FAM53C: variants seen among roughly 807,000 people sequenced by gnomAD.
FAM53C encodes family with sequence similarity 53 member C.
Under a neutral mutation model 34.7 loss-of-function variants are expected in FAM53C, and 10 were observed. The observed-to-expected ratio is 0.29, with a 90% CI of 0.18 to 0.49. The LOEUF (loss-of-function observed/expected upper bound fraction) is 0.49. Ranked by LOEUF, FAM53C falls within the 20% of genes least tolerant of loss-of-function variation. FAM53C has a pLI of 0.99. For missense variants in FAM53C, 442 were observed against 515.3 expected (o/e 0.86, Z 1.38); for synonymous variants, 203 against 203.6 (o/e 1.00, Z 0.03).
chr5:138,343,974 C>G (rs896588802), intron 3 of FAM53C, among the ~76,000 whole-genome samples: 1 of 152,170 alleles, frequency 6.6e-6, no homozygotes, highest in Non-Finnish European at 1.5e-5. Flanking sequence ...ATATCCAGCC[C>G]CTGCAGAATT....
upstream of FAM53C, chr5:138,338,258 G>A (rs1429658209): frequency 4.8e-6 from 5 of 1,034,588 alleles, no homozygotes; most frequent in African/African-American, 1.6e-5. Flanking sequence ...GGGGCGAACC[G>A]AGCGCTCAGA....
intron 3 of FAM53C, among the ~76,000 whole-genome samples, chr5:138,343,275 C>T (rs914108331): frequency 2.0e-5 from 3 of 151,620 alleles, no homozygotes; most frequent in South Asian, 2.1e-4. Context: ...TTTGGGAGGC[C>T]GAGGTGGGCA....
At chr5:138,341,980 C>T (rs1284904778) in intron 3 of FAM53C, 114 bp downstream of exon 3, 2 of 910,568 alleles carry the variant, frequency 2.2e-6, no homozygotes, top group Non-Finnish European at 3.6e-6. Context: ...AACCTTCTTG[C>T]CAGGGTCAAC....
intron 1 of FAM53C, among the ~76,000 whole-genome samples, chr5:138,340,858 T>C (rs1046232441): frequency 6.6e-6 from 1 of 152,248 alleles, no homozygotes; most frequent in African/African-American, 2.4e-5. Flanking sequence ...TTGATGGAAA[T>C]AATCATTTGG....
Position 138,348,203 on chromosome 5 carries a change from C to T in FAM53C, c.*1244C>T, listed in dbSNP as rs1316711130. 1 of 152,646 alleles carries T rather than the reference C, an allele frequency of 6.6e-6. No homozygotes were observed. The highest frequency in any genetic ancestry group is 2.4e-5 in the African/African-American group (1 of 41,434). 9.5% of individuals were successfully genotyped at this position (152,646 alleles called of 1,614,324 possible). The stretch of plus-strand genomic sequence containing the variant: ...CTGAGAGACCATAGGGAGGTTGGGG[C>T]TCACTGAGGGATTGGCTGAGGATGT... On this transcript the variant is annotated 3_prime_UTR_variant, in exon 5 of 5. Transcript: ENST00000239906.
At chr5:138,337,967 A>T (rs1386808829), upstream of FAM53C, 1 of 1,289,412 alleles carries the variant, frequency 7.8e-7, no homozygotes, top group Admixed American at 2.3e-5. Context: ...TTCTTCCGAC[A>T]TGGCCTCCCC....
At position 138,347,008 on chromosome 5, in the gene FAM53C, T is replaced by C. The variant is rs1761199018; in HGVS notation, c.*49T>C. On this transcript the variant is annotated 3_prime_UTR_variant, in exon 5 of 5. Coordinates refer to ENST00000239906, the MANE Select transcript of FAM53C (RefSeq NM_016605.3). The stretch of plus-strand genomic sequence containing the variant: ...CCACACAGACTGACTCTCTCATGGC[T>C]ACTAACAAGTGTCGAGTCCCCAAGG... The C allele has an allele frequency of 1.2e-6, 2 of 1,610,412 alleles. No homozygotes were observed. The highest frequency in any genetic ancestry group is 2.7e-5 in the African/African-American group (2 of 75,006).
In FAM53C at chr5:138,341,805, T is replaced by C. The variant is rs755312287; in HGVS notation, c.79-4T>C. On this transcript the variant is annotated splice_polypyrimidine_tract_variant and splice_region_variant and intron_variant, in intron 2 of 4. Transcript: ENST00000239906. Reference sequence around the variant, plus strand: ...AATCATGATGGATATTCTCTCTTTCTTAGCCTTTGCCTGATCATGCAGACA... The same window carrying C: ...AATCATGATGGATATTCTCTCTTTCCTAGCCTTTGCCTGATCATGCAGACA... 2.0e-5 allele frequency: 33 copies of C among 1,614,020 alleles called. No homozygotes were observed. The highest frequency in any genetic ancestry group is 2.6e-5 in the Non-Finnish European group (31 of 1,179,936).
upstream of FAM53C, chr5:138,337,993 G>T (rs1760835463): frequency 1.6e-6 from 2 of 1,289,618 alleles, no homozygotes; most frequent in African/African-American, 3.0e-5. Flanking sequence ...GTTTCAAGAT[G>T]TGCCTCCAAC....
At chr5:138,343,091 C>G (rs962180543) in intron 3 of FAM53C, 5 of 151,798 alleles carry the variant, frequency 3.3e-5, no homozygotes, top group Admixed American at 1.3e-4. Flanking sequence ...TATCAGAATG[C>G]TGAGTATTCA....
chr5:138,344,165 T>A (rs145816682), intron 3 of FAM53C, among the ~76,000 whole-genome samples: 1 of 152,306 alleles, frequency 6.6e-6, no homozygotes, highest in African/African-American at 2.4e-5. Context: ...GGGAAGGGAA[T>A]CGGAATATGT....
intron 1 of FAM53C, among the ~76,000 whole-genome samples, chr5:138,340,787 T>C (rs1384337818): frequency 6.6e-6 from 1 of 152,176 alleles, no homozygotes; most frequent in Non-Finnish European, 1.5e-5. Context: ...ACTATTTCTG[T>C]AGTTTAGGAG....
chr5:138,341,610 C>A, intron 2 of FAM53C, 197 bp downstream of exon 2: 1 of 735,110 alleles, frequency 1.4e-6, no homozygotes, highest in Non-Finnish European at 2.3e-6. Context: ...GACAGCAAAA[C>A]TTGGGTGGAG....
At chr5:138,337,597 G>A (rs944248360), upstream of FAM53C, 2 of 287,726 alleles carry the variant, frequency 7.0e-6, no homozygotes, top group African/African-American at 2.3e-5. Flanking sequence ...GGGCTATCCT[G>A]AGCTTTACAA....
At chr5:138,338,063 C>T (rs1382978680), upstream of FAM53C, 1 of 1,289,778 alleles carries the variant, frequency 7.8e-7, no homozygotes, top group Admixed American at 2.3e-5. Context: ...AGGAAACCAC[C>T]CCCATCCCTA....
rs1580861262 is a variant in FAM53C, at chr5:138,347,064, T to G, written c.*105T>G. 1 of 1,485,476 alleles carries G rather than the reference T, an allele frequency of 6.7e-7. No individual in the cohort carries two copies. Among genetic ancestry groups the G allele is most frequent in the Non-Finnish European group, 9.1e-7 (1 of 1,093,598 alleles). The allele number at this position is 1,485,476 out of a possible 1,614,324, so 92.0% of individuals were successfully genotyped here. ...GGCCGAGCCTGGGAATGGGGGTGAGTGGAGGGCTCCGACTCAGGGCAGCTG... is the reference window on the plus strand; with the variant it reads ...GGCCGAGCCTGGGAATGGGGGTGAGGGGAGGGCTCCGACTCAGGGCAGCTG... On this transcript the variant is annotated 3_prime_UTR_variant, in exon 5 of 5. Transcript: ENST00000239906.
At position 138,345,721 on chromosome 5, in the gene FAM53C, C is replaced by G. The variant is rs564659085; in HGVS notation, c.921+112C>G. 15 of 1,251,606 alleles carry G rather than the reference C, an allele frequency of 1.2e-5. No individual in the cohort carries two copies. In the East Asian group the frequency reaches 3.6e-4, roughly 30 times the overall value. 77.5% of individuals were successfully genotyped at this position (1,251,606 alleles called of 1,614,324 possible). A position where few individuals can be genotyped will look rare whatever the true frequency, so the allele number is the denominator to read the frequency against. ...CCTGCCGCCCCCACCACCAACAGCA[C>G]CTCCTTTAGCTCTTAGCTAGGGTGA... On this transcript the variant is annotated intron_variant, in intron 4 of 4. Coordinates refer to ENST00000239906, the MANE Select transcript of FAM53C (RefSeq NM_016605.3). The surrounding 1 kb of genome is among the most constrained non-coding windows in gnomAD (Gnocchi z 6.3).
intron 1 of FAM53C, 57 bp from the exon 2 acceptor site, chr5:138,341,127 A>G: frequency 1.5e-6 from 1 of 670,916 alleles, no homozygotes; most frequent in Non-Finnish European, 2.8e-6. Context: ...TGCATTTTCC[A>G]TCTCTGGACC....
At position 138,347,069 on chromosome 5, in the gene FAM53C, G is replaced by GA; in HGVS notation, c.*110_*111insA. ...AGCCTGGGAATGGGGGTGAGTGGAG[G>GA]GCTCCGACTCAGGGCAGCTGGAAAT... On this transcript the variant is annotated 3_prime_UTR_variant, in exon 5 of 5. Coordinates refer to ENST00000239906, the MANE Select transcript of FAM53C (RefSeq NM_016605.3). 1 of 1,445,166 alleles carries GA rather than the reference G, an allele frequency of 6.9e-7. No individual in the cohort carries two copies. The highest frequency in any genetic ancestry group is 1.3e-5 in the South Asian group (1 of 79,644). The allele number at this position is 1,445,166 out of a possible 1,614,324, so 89.5% of individuals were successfully genotyped here. A position where few individuals can be genotyped will look rare whatever the true frequency, so the allele number is the denominator to read the frequency against.
Sources: allele counts gnomAD v4.1 joint callset (sites outside exome capture counted in the v4.1 genomes callset), GRCh38; gene constraint gnomAD v4.1.1; non-coding constraint Gnocchi (gnomAD v3.1); transcripts MANE v1.5; gene names NCBI Gene and HGNC (gene_info 2026-07-23, HGNC 2026-07-21).